SVIL: variants seen among roughly 807,000 people sequenced by gnomAD.
SVIL encodes supervillin.
Under a neutral mutation model 240.4 loss-of-function variants are expected in SVIL, and 101 were observed. The observed-to-expected ratio is 0.42, with a 90% CI of 0.36 to 0.50. The LOEUF is 0.50. Ranked by LOEUF, SVIL falls within the 20% of genes least tolerant of loss-of-function variation. The pLI is 0.01. For missense variants in SVIL, 2,512 were observed against 2,818.7 expected (o/e 0.89, Z 2.46); for synonymous variants, 999 against 1,100.0 (o/e 0.91, Z 1.82).
chr10:29,588,395 G>A (rs1956254667), intron 1 of SVIL, among the ~76,000 whole-genome samples: 1 of 151,730 alleles, frequency 6.6e-6, no homozygotes, highest in East Asian at 1.9e-4. Context: ...CTCTCTTCAC[G>A]TTAAGACACT....
intron 1 of SVIL, among the ~76,000 whole-genome samples, chr10:29,718,241 G>C (rs1178136049): frequency 6.6e-6 from 1 of 151,420 alleles, no homozygotes; most frequent in Non-Finnish European, 1.5e-5. Flanking sequence ...CAGGAGAATC[G>C]CTTGAACCCA....
chr10:29,682,176 G>T (rs751976486), intron 2 of SVIL, among the ~76,000 whole-genome samples: 1 of 152,156 alleles, frequency 6.6e-6, no homozygotes, highest in Non-Finnish European at 1.5e-5. Flanking sequence ...GCAGCAGGTT[G>T]GCAGATCTTA....
At chr10:29,480,245 G>T (rs4018661) in intron 29 of SVIL, among the ~76,000 whole-genome samples, 6 of 152,312 alleles carry the variant, frequency 3.9e-5, no homozygotes, top group Admixed American at 2.6e-4. Flanking sequence ...TCCCAGAAAA[G>T]CTCTGGGGAC....
At chr10:29,585,995 C>T (rs1956153224) in intron 1 of SVIL, among the ~76,000 whole-genome samples, 1 of 152,228 alleles carries the variant, frequency 6.6e-6, no homozygotes, top group Admixed American at 6.5e-5. Context: ...ACCCATAGAA[C>T]CTGAGGCATC....
At chr10:29,723,586 G>A (rs1345695061) in intron 1 of SVIL, among the ~76,000 whole-genome samples, 5 of 152,026 alleles carry the variant, frequency 3.3e-5, no homozygotes, top group Admixed American at 2.6e-4. Flanking sequence ...ATAGGAGGAG[G>A]AAAATGAGGA....
At chr10:29,466,708 G>A (rs1944967488) in intron 33 of SVIL, among the ~76,000 whole-genome samples, 1 of 151,786 alleles carries the variant, frequency 6.6e-6, no homozygotes, top group South Asian at 2.1e-4. Context: ...TAATAACTTG[G>A]GAAATTATTC....
At chr10:29,479,393 T>G (rs546902765) in intron 29 of SVIL, among the ~76,000 whole-genome samples, 1 of 152,134 alleles carries the variant, frequency 6.6e-6, no homozygotes, top group Admixed American at 6.5e-5. Context: ...ACAACAGAAA[T>G]GTCTCAGGGA....
rs180985278 is a variant in SVIL at position 29,691,296 on chromosome 10, C to T, written c.-399-4645G>A. On this transcript the variant is annotated intron_variant, in intron 1 of 35. Transcript: ENST00000375400. ...GTGCGATCTCGGCTCACTGCAAGCT[C>T]CACCTCCCAGGTTCACGCCATTCTC... Among the ~76,000 whole-genome samples the T allele has an allele frequency of 3.0e-3, 454 of 151,714 alleles. 3 individuals carry two copies. Among genetic ancestry groups the T allele is most frequent in the African/African-American group, 0.01 (432 of 41,342 alleles).
intron 18 of SVIL, among the ~76,000 whole-genome samples, chr10:29,497,754 T>G (rs1948556215): frequency 6.6e-6 from 1 of 152,182 alleles, no homozygotes; most frequent in South Asian, 2.1e-4. Context: ...TTAGGGTACA[T>G]GGTTGCCAGG....
chr10:29,728,004 G>A (rs1022057320), intron 1 of SVIL, among the ~76,000 whole-genome samples: 1 of 152,126 alleles, frequency 6.6e-6, no homozygotes, highest in African/African-American at 2.4e-5. Context: ...AAGTCAATCT[G>A]TCAAGGATTT....
At chr10:29,477,592 C>T (rs1036191791) in intron 29 of SVIL, among the ~76,000 whole-genome samples, 1 of 152,214 alleles carries the variant, frequency 6.6e-6, no homozygotes, top group South Asian at 2.1e-4. Flanking sequence ...GGCCCTTGTG[C>T]GCACAAGTGA....
At chr10:29,496,361 T>G in intron 18 of SVIL, 1 of 453,916 alleles carries the variant, frequency 2.2e-6, no homozygotes. Context: ...AAATAAAATC[T>G]GGTATCACAG....
chr10:29,498,941 A>G (rs1277549751), intron 18 of SVIL, among the ~76,000 whole-genome samples, 175 bp downstream of exon 18: 1 of 152,236 alleles, frequency 6.6e-6, no homozygotes, highest in Non-Finnish European at 1.5e-5. Flanking sequence ...TGACTGAGCC[A>G]CTGCACCCCA....
At chr10:29,523,348 C>G in intron 15 of SVIL, 103 bp downstream of exon 15, 1 of 1,060,596 alleles carries the variant, frequency 9.4e-7, no homozygotes. Context: ...TAGCTGTAAA[C>G]TGCCTATAGA....
chr10:29,704,974 G>A (rs1962787432), intron 1 of SVIL, among the ~76,000 whole-genome samples: 1 of 152,154 alleles, frequency 6.6e-6, no homozygotes, highest in South Asian at 2.1e-4. Flanking sequence ...TGTACGCAAT[G>A]GATCTGTCTA....
rs202239871 is a variant in SVIL, at chr10:29,486,548, G to T, written c.4495C>A (p.Leu1499Ile). ...CTCTTTGTCTGAATTAAAGTTGCAA[G>T]TTCTGAGGCCTAAAAAAGAGAGGAA... Reference protein sequence around the residue: ...NVIEKAKASELATLIQTKREL... With the variant: ...NVIEKAKASEIATLIQTKREL... Residue 1499 changes from leucine to isoleucine, a missense_variant, in exon 25 of 38, where the codon CTT becomes ATT. Transcript: ENST00000355867. 4.1e-5 allele frequency: 66 copies of T among 1,614,028 alleles called. No individual in the cohort carries two copies. The highest frequency in any genetic ancestry group is 5.4e-5 in the Non-Finnish European group (64 of 1,180,050).
intron 1 of SVIL, among the ~76,000 whole-genome samples, chr10:29,606,738 T>A (rs930227862): frequency 1.3e-5 from 2 of 152,204 alleles, no homozygotes; most frequent in African/African-American, 4.8e-5. Context: ...GTTTCATTTT[T>A]AAAAACATTT....
chr10:29,544,482 C>T (rs780001447), intron 6 of SVIL, among the ~76,000 whole-genome samples: 2 of 152,010 alleles, frequency 1.3e-5, no homozygotes, highest in South Asian at 2.1e-4. Flanking sequence ...CTGCCAGGCC[C>T]GGTGGCTCAC....
chr10:29,661,903 T>A (rs1457324840), intron 2 of SVIL, among the ~76,000 whole-genome samples: 3 of 152,128 alleles, frequency 2.0e-5, no homozygotes, highest in Non-Finnish European at 2.9e-5. Flanking sequence ...CTTAAAGTGA[T>A]CCTTCCGTCT....
Sources: allele counts gnomAD v4.1 joint callset (sites outside exome capture counted in the v4.1 genomes callset), GRCh38; gene constraint gnomAD v4.1.1; transcripts MANE v1.5; gene names NCBI Gene and HGNC (gene_info 2026-07-23, HGNC 2026-07-21).